The following DENND2D variants were observed in gnomAD, a reference collection of about 807,000 sequenced individuals.
The protein encoded by DENND2D is DENN domain containing 2D, also known as DENN domain-containing protein 2D.
Under a neutral mutation model 59.8 loss-of-function variants are expected in DENND2D, and 37 were observed. The ratio of observed to expected loss-of-function variants is 0.62; its 90% CI spans 0.48 to 0.81. The LOEUF (loss-of-function observed/expected upper bound fraction) is 0.81. Among genes scored for constraint, DENND2D ranks in the 40% least tolerant of loss-of-function variants. The probability of loss-of-function intolerance (pLI) is 0.00; values close to 1 mark genes in which losing one functional copy is unlikely to be tolerated. For missense variants in DENND2D, 525 were observed against 579.7 expected (o/e 0.91, Z 0.97); for synonymous variants, 219 against 211.3 (o/e 1.04, Z -0.31).
intron 9 of DENND2D, 135 bp downstream of exon 9, chr1:111,189,077 G>T: frequency 9.9e-7 from 1 of 1,013,046 alleles, no homozygotes; most frequent in African/African-American, 1.6e-5. Flanking sequence ...CTCCTTGAGA[G>T]AGATGTGGTC....
At chr1:111,197,447 A>G (rs546765111) in intron 4 of DENND2D, 194 bp from the exon 5 acceptor site, 3 of 1,431,934 alleles carry the variant, frequency 2.1e-6, no homozygotes, top group African/African-American at 1.4e-5. Context: ...TTGGTGGGCA[A>G]GCGCTGCCAC....
rs1657285036 is a variant in DENND2D, at chr1:111,186,952, C to G, written c.*653G>C. 6.6e-6 allele frequency among the ~76,000 whole-genome samples: 1 copy of G among 152,132 alleles called. No individual in the cohort carries two copies. Among genetic ancestry groups the G allele is most frequent in the African/African-American group, 2.4e-5 (1 of 41,434 alleles). ...CTGGAAAGCACACCTGACTCCAAAC[C>G]AAGGACTTAGATGCCCTGTGTCCAG... On this transcript the variant is annotated 3_prime_UTR_variant, in exon 12 of 12. Transcript: ENST00000357640.
In DENND2D at chr1:111,192,156, T is replaced by C; in HGVS notation, c.956A>G (p.Asp319Gly). Residue 319 changes from aspartate (D) to glycine (G), a missense_variant, in exon 8 of 12, where the codon GAC becomes GGC. By Grantham distance (94) the Asp-to-Gly change is moderately conservative (BLOSUM62 -1). Coordinates refer to ENST00000357640, the MANE Select transcript of DENND2D (RefSeq NM_024901.5). ...VQMRFQQEVM[D>G]SPMEEVLLVN... ...ACATCATACCTCTTCCATAGGGCTG[T>C]CCATGACCTCCTGCTGGAAGCGCAT... 6.2e-7 allele frequency: 1 copy of C among 1,609,496 alleles called. No homozygotes were observed. Among genetic ancestry groups the C allele is most frequent in the African/African-American group, 1.3e-5 (1 of 74,992 alleles).
intron 2 of DENND2D, among the ~76,000 whole-genome samples, chr1:111,198,959 G>A (rs1161935937): frequency 2.0e-5 from 3 of 152,180 alleles, no homozygotes; most frequent in African/African-American, 2.4e-5. Flanking sequence ...AGCCCCTCCT[G>A]GGTCAACTCT....
upstream of DENND2D, chr1:111,201,202 C>T (rs1246549370): frequency 6.6e-6 from 1 of 152,542 alleles, no homozygotes; most frequent in Non-Finnish European, 1.5e-5. Context: ...AGCCTTCTTT[C>T]CTGATGGTGC....
intron 9 of DENND2D, 113 bp downstream of exon 9, chr1:111,189,099 G>T: frequency 3.2e-6 from 4 of 1,260,456 alleles, no homozygotes; most frequent in Non-Finnish European, 2.3e-6. Context: ...TTTTAGCACA[G>T]ATTCTCACTC....
intron 8 of DENND2D, among the ~76,000 whole-genome samples, chr1:111,190,929 AT>A (rs1326166211): frequency 6.6e-6 from 1 of 152,122 alleles, no homozygotes; most frequent in Non-Finnish European, 1.5e-5. Flanking sequence ...GTGTGTATAA[AT>A]AATTTGTTTT....
In DENND2D at chr1:111,188,503, CTG is replaced by C. The variant is rs1657432729; in HGVS notation, c.1100-135_1100-134del. On this transcript the variant is annotated intron_variant, in intron 10 of 11. Transcript: ENST00000357640. ...ATAGGGTAGGGTTCATAATTACTGA[CTG>C]AGATGGGAATCTGGGTATGAGTTCT... is the stretch of plus-strand genomic sequence containing the variant. The C allele has an allele frequency of 2.2e-6, 3 of 1,351,792 alleles. No homozygotes were observed. The African/African-American group carries it at 4.4e-5, about 20-fold the overall frequency. 83.7% of individuals were successfully genotyped at this position (1,351,792 alleles called of 1,614,324 possible).
chr1:111,195,527 G>T, intron 6 of DENND2D: 1 of 215,548 alleles, frequency 4.6e-6, no homozygotes, highest in Non-Finnish European at 9.5e-6. Context: ...TCGGAGGTGG[G>T]GATGGATGAT....
chr1:111,204,146 C>G (rs1557970104), upstream of DENND2D: 4 of 813,106 alleles, frequency 4.9e-6, no homozygotes, highest in Non-Finnish European at 6.9e-6. Context: ...TCCCGCTCAC[C>G]TGCCCCCGCG....
chr1:111,200,186 G>A (rs955248553), intron 1 of DENND2D: 15 of 636,690 alleles, frequency 2.4e-5, no homozygotes, highest in African/African-American at 2.2e-4. Flanking sequence ...CAGGCTCAAA[G>A]GGCATGTGAC....
Position 111,187,331 on chromosome 1 carries a change from C to G in DENND2D, c.*274G>C, listed in dbSNP as rs951139701. 47 of 452,044 alleles carry G rather than the reference C, an allele frequency of 1.0e-4. No homozygotes were observed. The South Asian group carries it at 1.2e-3, about 11-fold the overall frequency. 28.0% of individuals were successfully genotyped at this position (452,044 alleles called of 1,614,324 possible). On this transcript the variant is annotated 3_prime_UTR_variant, in exon 12 of 12. Coordinates refer to ENST00000357640, the MANE Select transcript of DENND2D (RefSeq NM_024901.5). The stretch of plus-strand genomic sequence containing the variant: ...AGCTTCTAACCAAGTGTCTACAACA[C>G]ATGTACTACTGTTTCCTACCTGTGT...
At position 111,192,296 on chromosome 1, in the gene DENND2D, A is replaced by T. The variant is rs560505714; in HGVS notation, c.816T>A (p.His272Gln). 1 of 1,608,476 alleles carries T rather than the reference A, an allele frequency of 6.2e-7. No homozygotes were observed. The highest frequency in any genetic ancestry group is 1.1e-5 in the South Asian group (1 of 90,448). ...AGGGGTAGAGCAGTGCGGCAGCAGCATGGATGCACTGAGACAAGGTGCTGG... is the reference window on the plus strand; with the variant it reads ...AGGGGTAGAGCAGTGCGGCAGCAGCTTGGATGCACTGAGACAAGGTGCTGG... ...EGLSTLSQCI[H>Q]AAAALLYPFS... The change falls in exon 8 of 12, where the codon CAT (histidine) becomes CAA (glutamine). Residue 272 changes from histidine to glutamine, a missense_variant. By Grantham distance (24) the His-to-Gln change is conservative (BLOSUM62 0). Around this residue, in one of 3 missense-constraint regions of DENND2D, gnomAD observed 225 missense variants for 252.4 expected, o/e 0.89. Transcript: ENST00000357640.
At chr1:111,204,236 C>G (rs1659093467), upstream of DENND2D, 12 of 1,437,666 alleles carry the variant, frequency 8.3e-6, no homozygotes, top group Non-Finnish European at 1.1e-5. Flanking sequence ...GCCGCCAGCC[C>G]TAGCCCCGGC....
chr1:111,199,549 G>A, intron 2 of DENND2D, 74 bp downstream of exon 2: 1 of 1,514,124 alleles, frequency 6.6e-7, no homozygotes, highest in Non-Finnish European at 8.9e-7. Context: ...GGAGAAGGAG[G>A]TGGAACCCCC....
At chr1:111,197,038 C>T in intron 5 of DENND2D, 138 bp downstream of exon 5, 1 of 1,000,828 alleles carries the variant, frequency 1.0e-6, no homozygotes, top group South Asian at 1.5e-5. Context: ...GCCCCTTTGC[C>T]TCAGTTTTCC....
chr1:111,194,399 A>G (rs1220678094), intron 7 of DENND2D, among the ~76,000 whole-genome samples, 179 bp downstream of exon 7: 1 of 152,150 alleles, frequency 6.6e-6, no homozygotes, highest in Non-Finnish European at 1.5e-5. Flanking sequence ...GTGTGGAGGA[A>G]GAGGCAGTGG....
Position 111,198,087 on chromosome 1 carries a change from G to T in DENND2D, c.357-98C>A, listed in dbSNP as rs867608614. The T allele has an allele frequency of 1.0e-5, 12 of 1,175,360 alleles. No homozygotes were observed. The Middle Eastern group carries it at 7.9e-4, about 77-fold the overall frequency. The allele number at this position is 1,175,360 out of a possible 1,614,324, so 72.8% of individuals were successfully genotyped here. A position where few individuals can be genotyped will look rare whatever the true frequency, so the allele number is the denominator to read the frequency against. On this transcript the variant is annotated intron_variant, in intron 3 of 11. Transcript: ENST00000357640. Reference sequence around the variant, plus strand: ...AGGGTGGAGAGGAGGGCAAAGGGGAGTTGCTGATTAATCACAGGAGTAAGG... The same window carrying T: ...AGGGTGGAGAGGAGGGCAAAGGGGATTTGCTGATTAATCACAGGAGTAAGG...
intron 6 of DENND2D, 85 bp from the exon 7 acceptor site, chr1:111,194,811 AT>A: frequency 6.8e-7 from 1 of 1,467,160 alleles, no homozygotes; most frequent in Non-Finnish European, 9.3e-7. Context: ...ACCAGCCTCT[AT>A]TCCTTCTGCC....
Sources: allele counts gnomAD v4.1 joint callset (sites outside exome capture counted in the v4.1 genomes callset), GRCh38; gene constraint gnomAD v4.1.1; regional missense constraint gnomAD v4.1.1; transcripts MANE v1.5; gene names NCBI Gene and HGNC (gene_info 2026-07-23, HGNC 2026-07-21).